KLF12: variants seen among roughly 807,000 people sequenced by gnomAD.
The protein encoded by KLF12 is Krueppel-like factor 12.
KLF12 carries 9 observed loss-of-function variants against 37.8 expected under a neutral mutation model. The observed-to-expected ratio is 0.24, with a 90% confidence interval of 0.14 to 0.42. The LOEUF (loss-of-function observed/expected upper bound fraction) is 0.42. Ranked by LOEUF, KLF12 falls within the 10% of genes least tolerant of loss-of-function variation. The pLI is 1.00. For synonymous variants in KLF12, 208 were observed against 202.1 expected, an observed-to-expected ratio of 1.03 and a Z score of -0.25; for missense variants, 411 against 516.0, an observed-to-expected ratio of 0.80 and a Z score of 1.97.
At chr13:73,753,742 T>C (rs1878950370) in intron 6 of KLF12, among the ~76,000 whole-genome samples, 1 of 150,906 alleles carries the variant, frequency 6.6e-6, no homozygotes, top group Non-Finnish European at 1.5e-5. Context: ...CTTAAATACT[T>C]AAATTAAGGA....
chr13:73,813,145 T>C lies in KLF12; in HGVS notation c.806+7A>G. On this transcript the variant is annotated splice_region_variant and intron_variant, in intron 5 of 7. Transcript: ENST00000377669. ...TTCTTAATTCATCCTGTGAATGTGA[T>C]ACTTACTCTTGTACTGCTCTGGCTA... is the stretch of plus-strand genomic sequence containing the variant. 6.2e-7 allele frequency: 1 copy of C among 1,613,384 alleles called. No individual in the cohort carries two copies. The highest frequency in any genetic ancestry group is 8.5e-7 in the Non-Finnish European group (1 of 1,179,534).
chr13:73,950,489 T>C (rs927831250), intron 2 of KLF12, among the ~76,000 whole-genome samples: 14 of 152,206 alleles, frequency 9.2e-5, no homozygotes, highest in African/African-American at 3.4e-4. Context: ...TTTCTGTCAT[T>C]CATACTCTGA....
chr13:73,723,145 C>T (rs1876395979), intron 6 of KLF12, among the ~76,000 whole-genome samples: 1 of 152,062 alleles, frequency 6.6e-6, no homozygotes, highest in Non-Finnish European at 1.5e-5. Flanking sequence ...TTCTGGTTGG[C>T]TATATTATCA....
chr13:73,879,132 G>A (rs1232495502), intron 3 of KLF12, among the ~76,000 whole-genome samples: 1 of 152,140 alleles, frequency 6.6e-6, no homozygotes, highest in Non-Finnish European at 1.5e-5. Flanking sequence ...TAAAATAAAG[G>A]ACAGACCTAG....
chr13:74,015,613 A>AT (rs1402038232), intron 1 of KLF12, among the ~76,000 whole-genome samples: 1 of 152,172 alleles, frequency 6.6e-6, no homozygotes, highest in African/African-American at 2.4e-5. Flanking sequence ...ATATACTTAC[A>AT]TACACCCTCT....
chr13:74,280,744 A>G, the KLF12 span, among the ~76,000 whole-genome samples: 1 of 151,738 alleles, frequency 6.6e-6, no homozygotes, highest in Non-Finnish European at 1.5e-5. Context: ...TGTTTCGTGA[A>G]TTTTTCTATC....
chr13:74,170,764 C>CTTATT, the KLF12 span, among the ~76,000 whole-genome samples: 3 of 152,082 alleles, frequency 2.0e-5, no homozygotes, highest in South Asian at 6.2e-4. Flanking sequence ...TTCCTAGTAC[C>CTTATT]TTATTTTATT....
At chr13:74,119,196 G>A (rs558318419) in intron 1 of KLF12, among the ~76,000 whole-genome samples, 2 of 152,042 alleles carry the variant, frequency 1.3e-5, no homozygotes, top group Non-Finnish European at 2.9e-5. Context: ...ATCCAGGTGT[G>A]GTGGCACGTG....
At chr13:73,824,942 A>G (rs1383933714) in intron 4 of KLF12, among the ~76,000 whole-genome samples, 1 of 151,944 alleles carries the variant, frequency 6.6e-6, no homozygotes, top group Non-Finnish European at 1.5e-5. Context: ...GGTGGCGTGC[A>G]CTTGTAATCC....
Position 73,824,102 on chromosome 13 carries a change from T to C in KLF12, c.671-10815A>G, listed in dbSNP as rs74095780. Among the ~76,000 whole-genome samples, 1,087 of 152,218 alleles carry C rather than the reference T, an allele frequency of 7.1e-3. 14 individuals are homozygous for C. Among genetic ancestry groups the C allele is most frequent in the African/African-American group, 0.024 (1,010 of 41,528 alleles). ...CACGTTTCCATCAAGAATTACATAT[T>C]TCTTGTGTACATCTTCACATCACAT... On this transcript the variant is annotated intron_variant, in intron 4 of 7. Coordinates refer to ENST00000377669, the MANE Select transcript of KLF12 (RefSeq NM_007249.5).
chr13:74,135,197 G>A (rs1878500607), upstream of KLF12, among the ~76,000 whole-genome samples: 1 of 152,018 alleles, frequency 6.6e-6, no homozygotes, highest in Non-Finnish European at 1.5e-5. Context: ...GCGAGGCGGA[G>A]ATGCGCGCCT....
At chr13:73,863,313 T>C (rs1886017098) in intron 3 of KLF12, among the ~76,000 whole-genome samples, 3 of 152,202 alleles carry the variant, frequency 2.0e-5, no homozygotes, top group Admixed American at 2.0e-4. Context: ...ATTATAGCAG[T>C]ATTGTAGAGG....
At chr13:73,718,804 G>T (rs1366729445) in intron 6 of KLF12, among the ~76,000 whole-genome samples, 1 of 152,148 alleles carries the variant, frequency 6.6e-6, no homozygotes, top group Non-Finnish European at 1.5e-5. Flanking sequence ...TGAGGTGAGA[G>T]GATTGCTTAG....
intron 3 of KLF12, among the ~76,000 whole-genome samples, chr13:73,874,337 T>C (rs1313738827): frequency 6.6e-6 from 1 of 152,210 alleles, no homozygotes. Context: ...GTGGTGACAC[T>C]TCCCCTGTGA....
At chr13:73,851,569 T>A (rs1885335843) in intron 3 of KLF12, among the ~76,000 whole-genome samples, 1 of 152,232 alleles carries the variant, frequency 6.6e-6, no homozygotes, top group South Asian at 2.1e-4. Flanking sequence ...CACACTTCAG[T>A]GTGCATCCAT....
intron 3 of KLF12, among the ~76,000 whole-genome samples, chr13:73,943,774 G>T (rs1890296167): frequency 6.6e-6 from 1 of 152,134 alleles, no homozygotes; most frequent in Non-Finnish European, 1.5e-5. Context: ...CCAAATTTTA[G>T]GATACTATCC....
At chr13:74,215,880 T>C in the KLF12 span, among the ~76,000 whole-genome samples, 5 of 152,240 alleles carry the variant, frequency 3.3e-5, no homozygotes, top group Non-Finnish European at 7.3e-5. Context: ...CTTCAGCATC[T>C]CTTTTCTTCT....
the KLF12 span, among the ~76,000 whole-genome samples, chr13:74,147,125 C>G: frequency 6.6e-6 from 1 of 152,198 alleles, no homozygotes; most frequent in Non-Finnish European, 1.5e-5. Flanking sequence ...TAAGGAGCTT[C>G]AGGAAAAGAT....
chr13:73,913,304 T>C (rs903847922), intron 3 of KLF12, among the ~76,000 whole-genome samples: 3 of 152,226 alleles, frequency 2.0e-5, no homozygotes, highest in African/African-American at 7.2e-5. Flanking sequence ...GTTTCCTTCC[T>C]TGGAGAAAAT....
Sources: allele counts gnomAD v4.1 joint callset (sites outside exome capture counted in the v4.1 genomes callset), GRCh38; gene constraint gnomAD v4.1.1; transcripts MANE v1.5; gene names NCBI Gene and HGNC (gene_info 2026-07-23, HGNC 2026-07-21).